CCSER2: variants seen among roughly 807,000 people sequenced by gnomAD.
The protein encoded by CCSER2 is serine-rich coiled-coil domain-containing protein 2.
A neutral mutation model predicts 92.3 loss-of-function variants in CCSER2; 46 were observed. That is an observed-to-expected ratio of 0.50 (90% CI 0.39 to 0.64). The LOEUF is 0.64. Ranked by LOEUF, CCSER2 falls within the 30% of genes least tolerant of loss-of-function variation. The pLI is 0.00. For synonymous variants in CCSER2, 433 were observed against 431.4 expected (o/e 1.00, Z -0.04); for missense variants, 1,244 against 1,238.9 (o/e 1.00, Z -0.06).
At chr10:84,494,423 A>T (rs184768524) in intron 9 of CCSER2, among the ~76,000 whole-genome samples, 1 of 152,218 alleles carries the variant, frequency 6.6e-6, no homozygotes, top group South Asian at 2.1e-4. Flanking sequence ...GTGAACTGTT[A>T]TCTTAATGCC....
intron 1 of CCSER2, among the ~76,000 whole-genome samples, chr10:84,364,939 A>G (rs1030985510): frequency 6.6e-6 from 1 of 151,954 alleles, no homozygotes; most frequent in African/African-American, 2.4e-5. Flanking sequence ...ACAGGGTCTC[A>G]CCATATTGGC....
chr10:84,490,757 G>A (rs577383146), intron 9 of CCSER2, among the ~76,000 whole-genome samples: 14 of 152,298 alleles, frequency 9.2e-5, no homozygotes, highest in South Asian at 4.1e-4. Context: ...GTCATTCTCC[G>A]TCCAGCTTTG....
chr10:84,387,180 C>T (rs1353978486), intron 3 of CCSER2, among the ~76,000 whole-genome samples: 2 of 152,144 alleles, frequency 1.3e-5, no homozygotes, highest in East Asian at 3.9e-4. Flanking sequence ...TTATATTTTT[C>T]TTAATGCTCC....
chr10:84,351,618 C>G (rs904697368), intron 1 of CCSER2, among the ~76,000 whole-genome samples: 10 of 152,204 alleles, frequency 6.6e-5, no homozygotes, highest in African/African-American at 2.4e-4. Context: ...GATCCTCCCA[C>G]TGCAGCCTTC....
intron 6 of CCSER2, among the ~76,000 whole-genome samples, chr10:84,443,407 G>T (rs1310527432): frequency 1.3e-5 from 2 of 152,118 alleles, no homozygotes; most frequent in South Asian, 4.1e-4. Context: ...CATCATCACT[G>T]GTCATTAAAG....
At chr10:84,415,217 A>T (rs1842834178) in intron 3 of CCSER2, among the ~76,000 whole-genome samples, 1 of 152,134 alleles carries the variant, frequency 6.6e-6, no homozygotes, top group Non-Finnish European at 1.5e-5. Flanking sequence ...TTTGCAGGAG[A>T]TGAGGCACTC....
chr10:84,432,491 A>G (rs1022433604), intron 5 of CCSER2, among the ~76,000 whole-genome samples: 1 of 152,170 alleles, frequency 6.6e-6, no homozygotes, highest in Non-Finnish European at 1.5e-5. Context: ...CTTATAAGTG[A>G]GAACATGTGG....
chr10:84,469,014 A>G (rs887465051), intron 7 of CCSER2, among the ~76,000 whole-genome samples: 13 of 152,150 alleles, frequency 8.5e-5, no homozygotes, highest in African/African-American at 3.1e-4. Flanking sequence ...TTATATGTAT[A>G]TTTGTGAGAA....
intron 3 of CCSER2, among the ~76,000 whole-genome samples, chr10:84,388,360 T>C (rs556564258): frequency 1.3e-5 from 2 of 152,312 alleles, no homozygotes; most frequent in East Asian, 3.9e-4. Context: ...ATTTGTCCTT[T>C]CACTGTGAAT....
intron 8 of CCSER2, among the ~76,000 whole-genome samples, chr10:84,470,676 C>T (rs1037282678): frequency 6.6e-6 from 1 of 151,956 alleles, no homozygotes; most frequent in Non-Finnish European, 1.5e-5. Context: ...ATTGATTCAG[C>T]GACCTCAGTT....
chr10:84,513,982 C>T lies in CCSER2; in HGVS notation c.2859C>T (p.Ile953=). 1 of 1,536,704 alleles carries T rather than the reference C, an allele frequency of 6.5e-7. No homozygotes were observed. The highest frequency in any genetic ancestry group is 2.4e-5 in the East Asian group (1 of 40,916). The change falls in exon 10 of 10, where the codon ATC becomes ATT. Residue 953 remains isoleucine, a synonymous_variant. Coordinates refer to ENST00000372088, the MANE Select transcript of CCSER2 (RefSeq NM_001284240.2). ...RTPTCKKSPI[I]TTCNSAKLQP... ...CCACTTGTAAAAAGTCACCAATAAT[C>T]ACAACATGTAATTCAGCAAAACTTC... is the stretch of plus-strand genomic sequence containing the variant.
intron 4 of CCSER2, among the ~76,000 whole-genome samples, chr10:84,418,562 G>A (rs2133394343): frequency 6.6e-6 from 1 of 152,306 alleles, no homozygotes; most frequent in Admixed American, 6.5e-5. Context: ...ATCAACATTT[G>A]CCTGGTCTCA....
At chr10:84,481,628 G>A (rs79922445) in intron 9 of CCSER2, among the ~76,000 whole-genome samples, 1,801 of 152,236 alleles carry the variant, frequency 0.012, 36 homozygotes, top group African/African-American at 0.041. Flanking sequence ...TTCTACTACC[G>A]TAGGGAGTTG....
At chr10:84,468,017 C>T (rs997461640) in intron 7 of CCSER2, among the ~76,000 whole-genome samples, 4 of 152,170 alleles carry the variant, frequency 2.6e-5, no homozygotes, top group Non-Finnish European at 4.4e-5. Flanking sequence ...GCAAATCTGT[C>T]ACTCCCTAGC....
rs1461942069 is a variant in CCSER2 at position 84,332,432 on chromosome 10, A to ATTTTTTTT, written c.-40+3625_-40+3626insTTTTTTTT. On this transcript the variant is annotated intron_variant, in intron 1 of 9. Coordinates refer to ENST00000372088, the MANE Select transcript of CCSER2 (RefSeq NM_001284240.2). ...TTTTTTTATATATATATATATATAT[A>ATTTTTTTT]TATATTTTTTTTTTTTTTTTTTTTT... Among the ~76,000 whole-genome samples the ATTTTTTTT allele has an allele frequency of 8.0e-4, 59 of 73,304 alleles. 2 individuals are homozygous for ATTTTTTTT. The highest frequency in any genetic ancestry group is 9.8e-4 in the Non-Finnish European group (43 of 43,880). The allele number at this position is 73,304 out of a possible 152,430, so 48.1% of individuals were successfully genotyped here. A position where few individuals can be genotyped will look rare whatever the true frequency, so the allele number is the denominator to read the frequency against.
chr10:84,445,823 T>C (rs1389116850), intron 6 of CCSER2, among the ~76,000 whole-genome samples: 2 of 152,234 alleles, frequency 1.3e-5, no homozygotes, highest in Non-Finnish European at 2.9e-5. Context: ...TGTGTTAATA[T>C]GGCACAGTTT....
chr10:84,352,307 A>AAAACAAAAAC (rs1056066448), intron 1 of CCSER2, among the ~76,000 whole-genome samples: 3 of 119,504 alleles, frequency 2.5e-5, no homozygotes, highest in Admixed American at 2.0e-4. Context: ...TGTCTCAAAA[A>AAAACAAAAAC]AAACAAAAAC....
intron 3 of CCSER2, among the ~76,000 whole-genome samples, chr10:84,398,225 C>T (rs866887626): frequency 6.6e-6 from 1 of 152,162 alleles, no homozygotes; most frequent in South Asian, 2.1e-4. Flanking sequence ...AACCGAGCAA[C>T]ACCGCACCTC....
At chr10:84,380,885 TG>T (rs1399015544) in intron 3 of CCSER2, among the ~76,000 whole-genome samples, 2 of 151,996 alleles carry the variant, frequency 1.3e-5, no homozygotes, top group Admixed American at 6.6e-5. Flanking sequence ...TTAGTAGAGA[TG>T]GGGTTTCACC....
Sources: gnomAD v4.1 joint callset for allele counts (sites outside exome capture counted in the v4.1 genomes callset) on GRCh38, gnomAD v4.1.1 for gene constraint, MANE v1.5 for transcripts, NCBI Gene and HGNC (gene_info 2026-07-23, HGNC 2026-07-21) for gene names.